Variants in RASEF observed in about 807,000 individuals in gnomAD.
RASEF encodes ras and EF-hand domain-containing protein.
RASEF carries 68 observed loss-of-function variants against 90.1 expected under a neutral mutation model. The observed-to-expected ratio is 0.75, with a 90% CI of 0.62 to 0.92. The LOEUF is 0.92. RASEF is among the 40% of genes least tolerant of loss of function. The probability of loss-of-function intolerance (pLI) is 0.00; values close to 1 mark genes in which losing one functional copy is unlikely to be tolerated. For synonymous variants in RASEF, 331 were observed against 345.2 expected (o/e 0.96, Z 0.46); for missense variants, 949 against 937.2 (o/e 1.01, Z -0.16).
intron 1 of RASEF, among the ~76,000 whole-genome samples, chr9:83,037,000 T>C (rs1339500570): frequency 6.6e-6 from 1 of 151,954 alleles, no homozygotes; most frequent in Non-Finnish European, 1.5e-5. Context: ...ATTAGCCACA[T>C]GAAAACCAGA....
chr9:83,057,796 C>CAT (rs1323989454), intron 1 of RASEF, among the ~76,000 whole-genome samples: 4 of 149,904 alleles, frequency 2.7e-5, no homozygotes, highest in Admixed American at 1.3e-4. Context: ...AAAATACATA[C>CAT]ATATATATAT....
chr9:83,164,373 A>ATATATG, the RASEF span, among the ~76,000 whole-genome samples: 131 of 141,966 alleles, frequency 9.2e-4, no homozygotes, highest in Non-Finnish European at 1.4e-3. Context: ...ATATATATAT[A>ATATATG]TGTGTGTGTG....
chr9:83,218,527 G>A, the RASEF span, among the ~76,000 whole-genome samples: 1 of 152,090 alleles, frequency 6.6e-6, no homozygotes, highest in African/African-American at 2.4e-5. Flanking sequence ...GACCGTGGGG[G>A]TAGGACCTGA....
chr9:83,019,166 A>C lies in RASEF; in HGVS notation c.669+3170T>G, dbSNP rs554899037. 3.3e-5 allele frequency among the ~76,000 whole-genome samples: 5 copies of C among 152,306 alleles called. No individual in the cohort carries two copies. The South Asian group carries it at 1.0e-3, about 32-fold the overall frequency. Reference sequence around the variant, plus strand: ...AATTTATACTCTTACTGTTAGGAGAATGAAAAGACAGGTCACGGTGTGGGT... The same window carrying C: ...AATTTATACTCTTACTGTTAGGAGACTGAAAAGACAGGTCACGGTGTGGGT... On this transcript the variant is annotated intron_variant, in intron 3 of 16. Transcript: ENST00000376447.
chr9:83,007,347 A>G (rs1250322846), intron 7 of RASEF, 90 bp downstream of exon 7: 9 of 1,023,310 alleles, frequency 8.8e-6, no homozygotes, highest in South Asian at 6.5e-5. Flanking sequence ...TGTTCAGAAC[A>G]TGGCAACTCA....
chr9:83,198,182 C>G, the RASEF span, among the ~76,000 whole-genome samples: 1 of 152,128 alleles, frequency 6.6e-6, no homozygotes, highest in Non-Finnish European at 1.5e-5. Context: ...TAATGTTTTC[C>G]TTGCAAAATT....
At chr9:83,090,691 C>A in the RASEF span, among the ~76,000 whole-genome samples, 2 of 152,006 alleles carry the variant, frequency 1.3e-5, no homozygotes, top group African/African-American at 4.8e-5. Flanking sequence ...TGTCACTGCA[C>A]CTGGCCCATA....
chr9:83,021,140 C>T (rs1265328349), intron 3 of RASEF, among the ~76,000 whole-genome samples: 1 of 152,178 alleles, frequency 6.6e-6, no homozygotes. Flanking sequence ...CAGTAACAAC[C>T]AGGGTGCAGC....
the RASEF span, among the ~76,000 whole-genome samples, chr9:83,217,233 G>A: frequency 6.6e-6 from 1 of 152,154 alleles, no homozygotes; most frequent in African/African-American, 2.4e-5. Flanking sequence ...TAACTTGCTT[G>A]TGATTTTACA....
At chr9:83,077,415 A>G in the RASEF span, among the ~76,000 whole-genome samples, 4 of 152,214 alleles carry the variant, frequency 2.6e-5, no homozygotes, top group African/African-American at 7.2e-5. Flanking sequence ...GTCATTAAAT[A>G]TACTTTTTAC....
the RASEF span, among the ~76,000 whole-genome samples, chr9:83,118,119 A>C: frequency 6.6e-6 from 1 of 152,216 alleles, no homozygotes; most frequent in Non-Finnish European, 1.5e-5. Context: ...AATCCATTCT[A>C]TAGGCTGATA....
intron 12 of RASEF, among the ~76,000 whole-genome samples, chr9:82,999,289 T>C (rs1269291665): frequency 6.6e-6 from 1 of 152,242 alleles, no homozygotes; most frequent in Non-Finnish European, 1.5e-5. Context: ...TATCTGGCTA[T>C]GATTTTGACC....
intron 1 of RASEF, among the ~76,000 whole-genome samples, chr9:83,026,797 G>A (rs954697688): frequency 6.6e-6 from 1 of 152,072 alleles, no homozygotes; most frequent in Non-Finnish European, 1.5e-5. Flanking sequence ...CCAAATGTGT[G>A]GATTTTTTCC....
intron 1 of RASEF, chr9:83,048,499 T>C: frequency 6.1e-6 from 6 of 985,110 alleles, no homozygotes; most frequent in Non-Finnish European, 7.2e-6. Context: ...AAGTACTCAG[T>C]GCCTCGTGCA....
chr9:83,166,682 G>A, the RASEF span, among the ~76,000 whole-genome samples: 2 of 152,084 alleles, frequency 1.3e-5, no homozygotes, highest in African/African-American at 2.4e-5. Flanking sequence ...ACCCCAGCCT[G>A]GTCACCTGAC....
chr9:83,144,383 GAAA>G, the RASEF span, among the ~76,000 whole-genome samples: 23 of 20,232 alleles, frequency 1.1e-3, no homozygotes, highest in African/African-American at 2.4e-3. Context: ...AAGAAAGAAA[GAAA>G]GAAAGGAAAG....
At chr9:83,027,233 T>C (rs1204216810) in intron 1 of RASEF, among the ~76,000 whole-genome samples, 4 of 152,142 alleles carry the variant, frequency 2.6e-5, no homozygotes, top group African/African-American at 7.2e-5. Flanking sequence ...CACTATTGTT[T>C]TGGGGGTTTT....
the RASEF span, among the ~76,000 whole-genome samples, chr9:83,134,877 G>T: frequency 6.6e-6 from 1 of 152,110 alleles, no homozygotes; most frequent in Non-Finnish European, 1.5e-5. Flanking sequence ...TCCACCAGTG[G>T]TATCTCTATA....
chr9:83,109,078 T>C, the RASEF span, among the ~76,000 whole-genome samples: 4 of 152,242 alleles, frequency 2.6e-5, no homozygotes, highest in Admixed American at 1.3e-4. Context: ...TTGGCACATC[T>C]ATTCAATTCC....
Sources: gnomAD v4.1 joint callset for allele counts (sites outside exome capture counted in the v4.1 genomes callset) on GRCh38, gnomAD v4.1.1 for gene constraint, MANE v1.5 for transcripts, NCBI Gene and HGNC (gene_info 2026-07-23, HGNC 2026-07-21) for gene names.